SGCZ: variants seen among roughly 807,000 people sequenced by gnomAD.
SGCZ encodes the protein sarcoglycan zeta, also known as zeta-sarcoglycan.
In SGCZ, 40 loss-of-function variants were observed where a neutral mutation model predicts 41.3. That is an observed-to-expected ratio of 0.97 (90% confidence interval 0.75 to 1.26). The LOEUF is 1.26. Among genes scored for constraint, SGCZ ranks in the 50% most tolerant of loss-of-function variants. The probability of loss-of-function intolerance (pLI) is 0.00; values close to 1 mark genes in which losing one functional copy is unlikely to be tolerated. For missense variants in SGCZ, 552 were observed against 369.8 expected, an observed-to-expected ratio of 1.49 and a Z score of -4.04; for synonymous variants, 206 against 137.5, an observed-to-expected ratio of 1.50 and a Z score of -3.49.
chr8:14,389,857 C>T (rs1434682479), intron 2 of SGCZ, among the ~76,000 whole-genome samples: 2 of 151,908 alleles, frequency 1.3e-5, no homozygotes, highest in Non-Finnish European at 2.9e-5. Flanking sequence ...CAAAATTGAT[C>T]TGCCTAAAGC....
At chr8:14,691,514 T>C (rs1808796917) in intron 1 of SGCZ, among the ~76,000 whole-genome samples, 1 of 151,976 alleles carries the variant, frequency 6.6e-6, no homozygotes, top group Admixed American at 6.6e-5. Flanking sequence ...TTGTAAAAGA[T>C]CAGGAATTCC....
At chr8:14,394,585 TCA>T (rs1291392749) in intron 2 of SGCZ, among the ~76,000 whole-genome samples, 1 of 152,190 alleles carries the variant, frequency 6.6e-6, no homozygotes, top group Non-Finnish European at 1.5e-5. Flanking sequence ...TCTAGCATTC[TCA>T]TTCATGCATT....
chr8:14,222,769 T>G (rs1363920412), intron 4 of SGCZ, among the ~76,000 whole-genome samples: 1 of 147,710 alleles, frequency 6.8e-6, no homozygotes, highest in African/African-American at 2.5e-5. Flanking sequence ...AATAACTAAT[T>G]CCACCCTCTC....
At chr8:14,142,747 C>A (rs1450778655) in intron 5 of SGCZ, among the ~76,000 whole-genome samples, 1 of 152,134 alleles carries the variant, frequency 6.6e-6, no homozygotes, top group African/African-American at 2.4e-5. Flanking sequence ...GGTGGCTTCT[C>A]ATGGTCTAGC....
chr8:14,627,209 G>C (rs1301118082), intron 1 of SGCZ, among the ~76,000 whole-genome samples: 1 of 152,086 alleles, frequency 6.6e-6, no homozygotes, highest in Non-Finnish European at 1.5e-5. Flanking sequence ...TTTCTACTTT[G>C]ATCTTGGTTG....
chr8:14,419,646 G>A (rs1434555552), intron 2 of SGCZ, among the ~76,000 whole-genome samples: 1 of 151,920 alleles, frequency 6.6e-6, no homozygotes, highest in Non-Finnish European at 1.5e-5. Context: ...CAACTATAAT[G>A]TTTGATGAAA....
chr8:14,323,726 T>C (rs536215024), intron 3 of SGCZ, among the ~76,000 whole-genome samples: 2 of 152,256 alleles, frequency 1.3e-5, no homozygotes, highest in African/African-American at 4.8e-5. Flanking sequence ...GCTGATCAGA[T>C]ACATAGTATG....
intron 1 of SGCZ, among the ~76,000 whole-genome samples, chr8:14,760,998 G>C (rs926353756): frequency 6.6e-6 from 1 of 152,172 alleles, no homozygotes; most frequent in Admixed American, 6.5e-5. Flanking sequence ...GTCAGAAGAA[G>C]CGGTGGTGGG....
At chr8:15,017,724 T>C (rs996501463) in intron 1 of SGCZ, among the ~76,000 whole-genome samples, 7 of 152,118 alleles carry the variant, frequency 4.6e-5, no homozygotes, top group African/African-American at 1.7e-4. Flanking sequence ...CAAGCTGGTC[T>C]CAAATTCCTG....
At chr8:15,152,285 G>A (rs1240072225) in intron 1 of SGCZ, among the ~76,000 whole-genome samples, 1 of 152,072 alleles carries the variant, frequency 6.6e-6, no homozygotes, top group Non-Finnish European at 1.5e-5. Flanking sequence ...GATGAACTAA[G>A]GGTCAGAAAA....
chr8:14,403,697 T>C (rs1380071151), intron 2 of SGCZ, among the ~76,000 whole-genome samples: 1 of 152,196 alleles, frequency 6.6e-6, no homozygotes, highest in East Asian at 1.9e-4. Context: ...CACAGTATTA[T>C]ACTTCTGGGG....
At chr8:14,943,493 G>A (rs1386077296) in intron 1 of SGCZ, among the ~76,000 whole-genome samples, 1 of 152,128 alleles carries the variant, frequency 6.6e-6, no homozygotes, top group Non-Finnish European at 1.5e-5. Context: ...CAGGCCAGCT[G>A]GAAGATAACT....
intron 1 of SGCZ, among the ~76,000 whole-genome samples, chr8:15,064,278 C>T (rs1045759747): frequency 7.9e-5 from 12 of 152,106 alleles, no homozygotes; most frequent in African/African-American, 2.9e-4. Flanking sequence ...TCATCACTTA[C>T]CACCCTAGGT....
At chr8:14,952,805 T>G (rs1800681227) in intron 1 of SGCZ, among the ~76,000 whole-genome samples, 1 of 152,192 alleles carries the variant, frequency 6.6e-6, no homozygotes, top group African/African-American at 2.4e-5. Context: ...TTTAGTAGAC[T>G]GAAATCCTTG....
intron 1 of SGCZ, among the ~76,000 whole-genome samples, chr8:14,817,219 A>T (rs770615217): frequency 2.0e-4 from 30 of 152,094 alleles, no homozygotes; most frequent in Non-Finnish European, 4.1e-4. Context: ...TAGAGAGGGG[A>T]TGGAGGCACC....
chr8:15,124,964 T>C (rs1807626740), intron 1 of SGCZ, among the ~76,000 whole-genome samples: 1 of 152,094 alleles, frequency 6.6e-6, no homozygotes, highest in African/African-American at 2.4e-5. Flanking sequence ...AAAAACAATA[T>C]GGGTATAAAA....
Position 14,090,591 on chromosome 8 carries a change from C to A in SGCZ, c.791G>T (p.Gly264Val), listed in dbSNP as rs1203338213. 6.2e-7 allele frequency: 1 copy of A among 1,612,412 alleles called. No individual in the cohort carries two copies. The highest frequency in any genetic ancestry group is 1.3e-5 in the African/African-American group (1 of 74,770). Reference protein sequence around the residue: ...ETIKLGNLPTGSFSSSSPSSS... With the variant: ...ETIKLGNLPTVSFSSSSPSSS... ...GCTGGGTGAAGAAGATGAGAAGGAG[C>A]CAGTTGGTAGATTTCCCAGCTTGAT... is the stretch of plus-strand genomic sequence containing the variant. Residue 264 changes from glycine (G) to valine (V), a missense_variant, in exon 8 of 8, where the codon GGC becomes GTC. By Grantham distance (109) the Gly-to-Val change is moderately radical. Transcript: ENST00000382080.
intron 1 of SGCZ, among the ~76,000 whole-genome samples, chr8:14,838,689 T>C (rs962821763): frequency 1.3e-5 from 2 of 152,212 alleles, no homozygotes; most frequent in Admixed American, 1.3e-4. Flanking sequence ...AACTGGACCC[T>C]TTCCCTGTGA....
At chr8:14,510,601 C>T (rs1249431446) in intron 2 of SGCZ, among the ~76,000 whole-genome samples, 4 of 152,126 alleles carry the variant, frequency 2.6e-5, no homozygotes, top group Admixed American at 1.3e-4. Flanking sequence ...CGCCATCATT[C>T]AGATTTTGTG....
Sources: allele counts gnomAD v4.1 joint callset (sites outside exome capture counted in the v4.1 genomes callset), GRCh38; gene constraint gnomAD v4.1.1; transcripts MANE v1.5; gene names NCBI Gene and HGNC (gene_info 2026-07-23, HGNC 2026-07-21).